Variants in AKT2 observed in about 807,000 individuals in gnomAD.
AKT2 encodes the protein AKT serine/threonine kinase 2, also known as RAC-beta serine/threonine-protein kinase.
Under a neutral mutation model 58.6 loss-of-function variants are expected in AKT2, and 16 were observed. That is an observed-to-expected ratio of 0.27 (90% confidence interval 0.18 to 0.41). The LOEUF is 0.41. Among genes scored for constraint, AKT2 ranks in the 10% least tolerant of loss-of-function variants. The pLI is 1.00. For missense variants in AKT2, 438 were observed against 661.0 expected, an observed-to-expected ratio of 0.66 and a Z score of 3.70; for synonymous variants, 253 against 254.0, an observed-to-expected ratio of 1.00 and a Z score of 0.04.
At position 40,233,279 on chromosome 19, in the gene AKT2, C is replaced by T; in HGVS notation, c.*593G>A. On this transcript the variant is annotated 3_prime_UTR_variant, in exon 14 of 14. Transcript: ENST00000392038. This position sits in a 1 kb window ranked among gnomAD's most constrained non-coding sequence, Gnocchi z 4.3. ...TGGTACAGATCCTAGGATCTGACTC[C>T]ATTCACCAGGGAGCAGCCCTAACCC... 2.9e-6 allele frequency: 1 copy of T among 345,476 alleles called. No individual in the cohort carries two copies. The highest frequency in any genetic ancestry group is 4.3e-5 in the Admixed American group (1 of 23,310). The allele number at this position is 345,476 out of a possible 1,614,324, so 21.4% of individuals were successfully genotyped here.
At chr19:40,252,237 C>T (rs981452696) in intron 4 of AKT2, among the ~76,000 whole-genome samples, 10 of 152,194 alleles carry the variant, frequency 6.6e-5, no homozygotes, top group African/African-American at 2.4e-4. Flanking sequence ...GGGGGCCTCC[C>T]TCTTGCTGGG....
At chr19:40,267,387 C>A (rs1976433863) in intron 1 of AKT2, among the ~76,000 whole-genome samples, 1 of 152,192 alleles carries the variant, frequency 6.6e-6, no homozygotes, top group South Asian at 2.1e-4. Context: ...TCCGCCCTAC[C>A]TGACTCTCCA....
In AKT2 at chr19:40,234,634, C is replaced by G. The variant is rs1973898160; in HGVS notation, c.1366+411G>C. The G allele has an allele frequency of 1.8e-6, 1 of 542,634 alleles. No homozygotes were observed. Among genetic ancestry groups the G allele is most frequent in the African/African-American group, 1.9e-5 (1 of 53,082 alleles). The allele number at this position is 542,634 out of a possible 1,614,324, so 33.6% of individuals were successfully genotyped here. ...AGTCCCTGGCCTCCCACGCCCTAGC[C>G]CTGACCACTCCAGGCCGCCCACCCT... On this transcript the variant is annotated intron_variant, in intron 13 of 13. Transcript: ENST00000392038. This position sits in a 1 kb window ranked among gnomAD's most constrained non-coding sequence, Gnocchi z 4.7.
chr19:40,253,982 T>TA lies in AKT2; in HGVS notation c.287+1175dup, dbSNP rs756229908. Reference sequence around the variant, plus strand: ...CATGTACAATGCTACCTTTTGTATTTAAAAAAAAAAAAAAAAAGGCAGCCA... The same window carrying TA: ...CATGTACAATGCTACCTTTTGTATTTAAAAAAAAAAAAAAAAAAGGCAGCCA... On this transcript the variant is annotated intron_variant, in intron 4 of 13. Coordinates refer to ENST00000392038, the MANE Select transcript of AKT2 (RefSeq NM_001626.6). 3.8e-3 allele frequency among the ~76,000 whole-genome samples: 507 copies of TA among 133,974 alleles called. 1 individual carries two copies. The highest frequency in any genetic ancestry group is 0.011 in the Middle Eastern group (3 of 264). The allele number at this position is 133,974 out of a possible 152,430, so 87.9% of individuals were successfully genotyped here.
chr19:40,232,366 A>G lies in AKT2; in HGVS notation c.*1506T>C. 4.3e-6 allele frequency: 1 copy of G among 233,680 alleles called. No homozygotes were observed. The allele number at this position is 233,680 out of a possible 1,614,324, so 14.5% of individuals were successfully genotyped here. A position where few individuals can be genotyped will look rare whatever the true frequency, so the allele number is the denominator to read the frequency against. On this transcript the variant is annotated 3_prime_UTR_variant, in exon 14 of 14. Transcript: ENST00000392038. ...TGAGTGTCTTTATTGCTTGTACCGT[A>G]CAAATATGAAGACGAGGAGAAAGGC...
At chr19:40,244,893 T>A (rs1974651587) in intron 4 of AKT2, among the ~76,000 whole-genome samples, 2 of 152,204 alleles carry the variant, frequency 1.3e-5, no homozygotes, top group Admixed American at 1.3e-4. Flanking sequence ...GCTGTATTCC[T>A]CCCCAGTCTC....
Position 40,276,345 on chromosome 19 carries a change from C to T in AKT2, c.-85+8836G>A, listed in dbSNP as rs1387785730. On this transcript the variant is annotated intron_variant, in intron 1 of 13. Transcript: ENST00000392038. ...AGCTTCCGCATCTGTAAAATGGAAT[C>T]TTTTTTTTTTTTTTTTTTTTTTTTT... 5.5e-4 allele frequency among the ~76,000 whole-genome samples: 32 copies of T among 58,448 alleles called. 1 individual carries two copies. Among genetic ancestry groups the T allele is most frequent in the East Asian group, 6.8e-4 (1 of 1,478 alleles). 38.3% of individuals were successfully genotyped at this position (58,448 alleles called of 152,430 possible).
Position 40,242,186 on chromosome 19 carries a change from G to A in AKT2, c.442-117C>T, listed in dbSNP as rs1974450606. On this transcript the variant is annotated intron_variant, in intron 5 of 13. Transcript: ENST00000392038. This position sits in a 1 kb window ranked among gnomAD's most constrained non-coding sequence, Gnocchi z 4.3. ...CACTGTTGCCAAACGGCTTAGGCTG[G>A]AGCAGGAAGGGAGGCTCTGGGCAGC... The A allele has an allele frequency of 2.1e-6, 3 of 1,450,590 alleles. No homozygotes were observed. Among genetic ancestry groups the A allele is most frequent in the Non-Finnish European group, 2.8e-6 (3 of 1,054,794 alleles). The allele number at this position is 1,450,590 out of a possible 1,614,324, so 89.9% of individuals were successfully genotyped here. A position where few individuals can be genotyped will look rare whatever the true frequency, so the allele number is the denominator to read the frequency against.
In AKT2 at chr19:40,233,913, G is replaced by C. The variant is rs1385936959; in HGVS notation, c.1405C>G (p.His469Asp). 1 of 1,611,884 alleles carries C rather than the reference G, an allele frequency of 6.2e-7. No homozygotes were observed. The highest frequency in any genetic ancestry group is 8.5e-7 in the Non-Finnish European group (1 of 1,179,880). The change falls in exon 14 of 14, where the codon CAC becomes GAC. Residue 469 changes from histidine (H) to aspartate (D), a missense_variant. Physicochemically the swap from His to Asp is moderately conservative, Grantham distance 81. Transcript: ENST00000392038. The surrounding 1 kb of genome is among the most constrained non-coding windows in gnomAD (Gnocchi z 4.3). ...LGLLELDQRT[H>D]FPQFSYSASI... ...GCCGAGTAGGAGAACTGGGGGAAGT[G>C]GGTCCGCTGGTCCAGCTCCAGTAAG...
intron 4 of AKT2, among the ~76,000 whole-genome samples, chr19:40,247,447 C>A (rs1180978592): frequency 6.6e-6 from 1 of 152,184 alleles, no homozygotes; most frequent in Non-Finnish European, 1.5e-5. Context: ...GCAGAGCTGG[C>A]ACTCACCTGT....
In AKT2 at chr19:40,235,493, C is replaced by G; in HGVS notation, c.1176-143G>C. The G allele has an allele frequency of 1.2e-6, 1 of 823,028 alleles. No individual in the cohort carries two copies. The highest frequency in any genetic ancestry group is 2.0e-6 in the Non-Finnish European group (1 of 499,162). 51.0% of individuals were successfully genotyped at this position (823,028 alleles called of 1,614,324 possible). On this transcript the variant is annotated intron_variant, in intron 11 of 13. Transcript: ENST00000392038. The surrounding 1 kb of genome is among the most constrained non-coding windows in gnomAD (Gnocchi z 6.3). ...CTTCACAGAGGAGGAAACCGAGGCT[C>G]AGGGAGGGAGCTCACGTGCCCAGGG...
chr19:40,232,368 A>C lies in AKT2; in HGVS notation c.*1504T>G, dbSNP rs1973744380. ...AGTGTCTTTATTGCTTGTACCGTAC[A>C]AATATGAAGACGAGGAGAAAGGCCA... On this transcript the variant is annotated 3_prime_UTR_variant, in exon 14 of 14. Coordinates refer to ENST00000392038, the MANE Select transcript of AKT2 (RefSeq NM_001626.6). 2 of 233,666 alleles carry C rather than the reference A, an allele frequency of 8.6e-6. No individual in the cohort carries two copies. Among genetic ancestry groups the C allele is most frequent in the Non-Finnish European group, 8.5e-6 (1 of 118,090 alleles). 14.5% of individuals were successfully genotyped at this position (233,666 alleles called of 1,614,324 possible). A position where few individuals can be genotyped will look rare whatever the true frequency, so the allele number is the denominator to read the frequency against.
rs41275748 is a variant in AKT2 at position 40,232,143 on chromosome 19, A to C, written c.*1729T>G. On this transcript the variant is annotated 3_prime_UTR_variant, in exon 14 of 14. Transcript: ENST00000392038. ...GCCTTCCCATACCCCTCAGCCCCAC[A>C]GCACCAGCTCCACCCACCCTCTCCA... The C allele has an allele frequency of 0.11, 26,172 of 233,574 alleles. 2,200 individuals carry two copies. The highest frequency in any genetic ancestry group is 0.26 in the African/African-American group (11,774 of 45,206). The allele number at this position is 233,574 out of a possible 1,614,324, so 14.5% of individuals were successfully genotyped here.
chr19:40,273,673 C>T (rs2077259610), intron 1 of AKT2: 1 of 152,146 alleles, frequency 6.6e-6, no homozygotes. Context: ...GAGCAGATTC[C>T]TTCTCCTCCC....
At chr19:40,244,829 G>T (rs1463795284) in intron 4 of AKT2, among the ~76,000 whole-genome samples, 1 of 152,228 alleles carries the variant, frequency 6.6e-6, no homozygotes, top group African/African-American at 2.4e-5. Flanking sequence ...GTCAGGCAGG[G>T]AACAAGTGTG....
At chr19:40,275,375 T>C (rs750661741) in intron 1 of AKT2, 32 of 452,678 alleles carry the variant, frequency 7.1e-5, no homozygotes, top group South Asian at 3.9e-4. Context: ...CAGGGCCCAG[T>C]GGCAAAAGGA....
chr19:40,250,701 G>A (rs935140749), intron 4 of AKT2, among the ~76,000 whole-genome samples: 5 of 151,928 alleles, frequency 3.3e-5, no homozygotes, highest in South Asian at 2.1e-4. Context: ...GGTGGCAGGC[G>A]CCTGTAGTTC....
Position 40,232,846 on chromosome 19 carries a change from G to A in AKT2, c.*1026C>T, listed in dbSNP as rs1055890031. On this transcript the variant is annotated 3_prime_UTR_variant, in exon 14 of 14. Coordinates refer to ENST00000392038, the MANE Select transcript of AKT2 (RefSeq NM_001626.6). ...ATGTTCAACCTTAAGGCTGCAGAAC[G>A]TGGGGCCCTGGGGAGAGGGAGGGGT... 14 of 237,192 alleles carry A rather than the reference G, an allele frequency of 5.9e-5. No individual in the cohort carries two copies. Among genetic ancestry groups the A allele is most frequent in the Admixed American group, 2.2e-4 (4 of 18,048 alleles). The allele number at this position is 237,192 out of a possible 1,614,324, so 14.7% of individuals were successfully genotyped here.
At chr19:40,239,439 G>C (rs137910493) in intron 7 of AKT2, 1 of 264,990 alleles carries the variant, frequency 3.8e-6, no homozygotes, top group Non-Finnish European at 7.4e-6. Flanking sequence ...CTCCCACCAG[G>C]GGGTCCTTCA....
Sources: allele counts gnomAD v4.1 joint callset (sites outside exome capture counted in the v4.1 genomes callset), GRCh38; gene constraint gnomAD v4.1.1; non-coding constraint Gnocchi (gnomAD v3.1); transcripts MANE v1.5; gene names NCBI Gene and HGNC (gene_info 2026-07-23, HGNC 2026-07-21).